Variants in ASB18 observed in about 807,000 individuals in gnomAD.
ASB18 encodes the protein ankyrin repeat and SOCS box containing 18.
ASB18 carries 33 observed loss-of-function variants against 33.4 expected under a neutral mutation model. The ratio of observed to expected loss-of-function variants is 0.99; its 90% confidence interval spans 0.75 to 1.32. ASB18 has a LOEUF of 1.32. ASB18 is among the 40% of genes most tolerant of loss of function. ASB18 has a pLI of 0.00. For missense variants in ASB18, 694 were observed against 655.5 expected, an observed-to-expected ratio of 1.06 and a Z score of -0.64; for synonymous variants, 295 against 307.6, an observed-to-expected ratio of 0.96 and a Z score of 0.43.
intron 4 of ASB18, among the ~76,000 whole-genome samples, chr2:236,206,052 C>T (rs949346038): frequency 6.6e-6 from 1 of 152,172 alleles, no homozygotes; most frequent in Non-Finnish European, 1.5e-5. Context: ...ACTTTCAGTG[C>T]AGCTAAGTTT....
rs759870823 is a variant in ASB18, at chr2:236,193,514, C to T, written c.*1358G>A. On this transcript the variant is annotated 3_prime_UTR_variant, in exon 6 of 6. Transcript: ENST00000409749. This position sits in a 1 kb window ranked among gnomAD's most constrained non-coding sequence, Gnocchi z 5.0. ...ACACCGATAAGAAACAAAACTGATTCGGCAGGGCATGGTGACTCATGCCTG... is the reference window on the plus strand; with the variant it reads ...ACACCGATAAGAAACAAAACTGATTTGGCAGGGCATGGTGACTCATGCCTG... 9.9e-5 allele frequency among the ~76,000 whole-genome samples: 15 copies of T among 152,242 alleles called. No individual in the cohort carries two copies. The highest frequency in any genetic ancestry group is 3.9e-4 in the East Asian group (2 of 5,166).
At position 236,252,622 on chromosome 2, in the gene ASB18, A is replaced by G. The variant is rs1200408468; in HGVS notation, c.206-11220T>C. Among the ~76,000 whole-genome samples, 2 of 152,180 alleles carry G rather than the reference A, an allele frequency of 1.3e-5. No homozygotes were observed. The highest frequency in any genetic ancestry group is 2.9e-5 in the Non-Finnish European group (2 of 68,030). On this transcript the variant is annotated intron_variant, in intron 1 of 5. Transcript: ENST00000409749. This position sits in a 1 kb window ranked among gnomAD's most constrained non-coding sequence, Gnocchi z 7.9. The stretch of plus-strand genomic sequence containing the variant: ...CTGGCCTGAGCAAGAGGCAGGTGTC[A>G]CTAGCCACCATGCTATGGCGCATGG...
chr2:236,196,444 G>A lies in ASB18; in HGVS notation c.1102-59C>T. 2 of 862,348 alleles carry A rather than the reference G, an allele frequency of 2.3e-6. No homozygotes were observed. Among genetic ancestry groups the A allele is most frequent in the Non-Finnish European group, 3.8e-6 (2 of 525,550 alleles). The allele number at this position is 862,348 out of a possible 1,614,324, so 53.4% of individuals were successfully genotyped here. On this transcript the variant is annotated intron_variant, in intron 4 of 5. Transcript: ENST00000409749. This position sits in a 1 kb window ranked among gnomAD's most constrained non-coding sequence, Gnocchi z 5.6. ...CGACTGGGTTCTGGGTCTCAGTGGGGAAAGGGTGGGGGGTGTGGGGGGATG... is the reference window on the plus strand; with the variant it reads ...CGACTGGGTTCTGGGTCTCAGTGGGAAAAGGGTGGGGGGTGTGGGGGGATG...
intron 4 of ASB18, among the ~76,000 whole-genome samples, chr2:236,207,691 C>T (rs900610119): frequency 4.7e-4 from 71 of 152,318 alleles, no homozygotes; most frequent in African/African-American, 1.5e-3. Context: ...ACTTGAGCTT[C>T]GGCCTGGAGG....
intron 2 of ASB18, among the ~76,000 whole-genome samples, chr2:236,240,230 G>T (rs1037162349): frequency 6.6e-6 from 1 of 152,200 alleles, no homozygotes; most frequent in Non-Finnish European, 1.5e-5. Context: ...GGTCGGCTGC[G>T]ACATGCAGCC....
At chr2:236,201,287 G>T (rs1044567636) in intron 4 of ASB18, among the ~76,000 whole-genome samples, 1 of 152,090 alleles carries the variant, frequency 6.6e-6, no homozygotes. Context: ...GAGTAGCTGG[G>T]ACTACAGGTG....
rs1240321202 is a variant in ASB18 at position 236,196,632 on chromosome 2, C to T, written c.1102-247G>A. Among the ~76,000 whole-genome samples the T allele has an allele frequency of 1.3e-5, 2 of 152,148 alleles. No homozygotes were observed. The highest frequency in any genetic ancestry group is 2.1e-4 in the South Asian group (1 of 4,828). ...CCTTCCCATCATGATGGCCGCCCAGCCAAAGTCTGGGCCAAGTGCTTAAGC... is the reference window on the plus strand; with the variant it reads ...CCTTCCCATCATGATGGCCGCCCAGTCAAAGTCTGGGCCAAGTGCTTAAGC... On this transcript the variant is annotated intron_variant, in intron 4 of 5. Transcript: ENST00000409749. This position sits in a 1 kb window ranked among gnomAD's most constrained non-coding sequence, Gnocchi z 5.6.
Position 236,217,068 on chromosome 2 carries a change from CAT to C in ASB18, c.597-2204_597-2203del, listed in dbSNP as rs1395687474. Among the ~76,000 whole-genome samples, 12 of 152,194 alleles carry C rather than the reference CAT, an allele frequency of 7.9e-5. No individual in the cohort carries two copies. The highest frequency in any genetic ancestry group is 1.0e-4 in the Non-Finnish European group (7 of 68,032). On this transcript the variant is annotated intron_variant, in intron 3 of 5. Transcript: ENST00000409749. The surrounding 1 kb of genome is among the most constrained non-coding windows in gnomAD (Gnocchi z 5.2). ...GAGGGGTCACACCTCTGTGTTGTCA[CAT>C]GTCTTGCACTATGTGCCCAGGCACA...
At chr2:236,258,020 A>G (rs992928334) in intron 1 of ASB18, among the ~76,000 whole-genome samples, 20 of 152,214 alleles carry the variant, frequency 1.3e-4, no homozygotes, top group Admixed American at 1.2e-3. Flanking sequence ...CAGTTTGAAC[A>G]TACCCTGATT....
rs576455039 is a variant in ASB18, at chr2:236,237,765, G to A, written c.520C>T (p.His174Tyr). The A allele has an allele frequency of 9.6e-5, 139 of 1,448,966 alleles. 1 individual carries two copies. In the East Asian group the frequency reaches 4.2e-3, roughly 44 times the overall value. 89.8% of individuals were successfully genotyped at this position (1,448,966 alleles called of 1,614,324 possible). A position where few individuals can be genotyped will look rare whatever the true frequency, so the allele number is the denominator to read the frequency against. Residue 174 changes from histidine (H) to tyrosine (Y), a missense_variant, in exon 3 of 6, where the codon CAC becomes TAC. Physicochemically the swap from His to Tyr is moderately conservative, Grantham distance 83. Coordinates refer to ENST00000409749, the MANE Select transcript of ASB18 (RefSeq NM_212556.4). The surrounding 1 kb of genome is among the most constrained non-coding windows in gnomAD (Gnocchi z 6.2). ...CTGAGCAGGTCGGGGTCGGCGCGGT[G>A]CTGCAGCAGCAGGCGGACGCAGGCG... ...HTACVRLLLQ[H>Y]RADPDLLSAE... is the part of the protein sequence containing the mutation.
chr2:236,218,281 C>A (rs1446523458), intron 3 of ASB18, among the ~76,000 whole-genome samples: 1 of 151,970 alleles, frequency 6.6e-6, no homozygotes, highest in African/African-American at 2.4e-5. Flanking sequence ...TTAGAGTGGG[C>A]AATGATTTAA....
Position 236,235,613 on chromosome 2 carries a change from T to C in ASB18, c.596+2076A>G, listed in dbSNP as rs1451922360. Among the ~76,000 whole-genome samples, 3 of 152,238 alleles carry C rather than the reference T, an allele frequency of 2.0e-5. No individual in the cohort carries two copies. Among genetic ancestry groups the C allele is most frequent in the Non-Finnish European group, 2.9e-5 (2 of 68,040 alleles). ...AATTAAGCCCTGACCATACCATGTA[T>C]TGGTGAGGCTGTAAAGCAACTGGAA... is the stretch of plus-strand genomic sequence containing the variant. On this transcript the variant is annotated intron_variant, in intron 3 of 5. Transcript: ENST00000409749. The surrounding 1 kb of genome is among the most constrained non-coding windows in gnomAD (Gnocchi z 6.2).
intron 1 of ASB18, among the ~76,000 whole-genome samples, chr2:236,246,346 CAA>C (rs60064230): frequency 2.3e-3 from 75 of 32,688 alleles, no homozygotes; most frequent in Non-Finnish European, 3.6e-3. Context: ...GACTCCATCT[CAA>C]AAAAAAAAAA....
Position 236,200,557 on chromosome 2 carries a change from A to G in ASB18, c.1102-4172T>C, listed in dbSNP as rs2060395946. Among the ~76,000 whole-genome samples the G allele has an allele frequency of 6.6e-6, 1 of 152,190 alleles. No individual in the cohort carries two copies. The highest frequency in any genetic ancestry group is 2.4e-5 in the African/African-American group (1 of 41,458). On this transcript the variant is annotated intron_variant, in intron 4 of 5. Transcript: ENST00000409749. This position sits in a 1 kb window ranked among gnomAD's most constrained non-coding sequence, Gnocchi z 4.2. ...CAGCAGTCCTCGCTTGGGGATACACAGCTAGCCTGAGGCAAAGAGCCAGCC... is the reference window on the plus strand; with the variant it reads ...CAGCAGTCCTCGCTTGGGGATACACGGCTAGCCTGAGGCAAAGAGCCAGCC...
At position 236,214,467 on chromosome 2, in the gene ASB18, G is replaced by T; in HGVS notation, c.996C>A (p.Arg332=). 3.3e-6 allele frequency: 5 copies of T among 1,515,552 alleles called. No individual in the cohort carries two copies. The highest frequency in any genetic ancestry group is 4.4e-6 in the Non-Finnish European group (5 of 1,138,150). 93.9% of individuals were successfully genotyped at this position (1,515,552 alleles called of 1,614,324 possible). A position where few individuals can be genotyped will look rare whatever the true frequency, so the allele number is the denominator to read the frequency against. ...LDYGGASPLG[R]VLQTASCALQ... Reference sequence around the variant, plus strand: ...GAGCGCAGGATGCGGTCTGGAGCACGCGGCCCAGCGGCGAGGCCCCGCCAT... The same window carrying T: ...GAGCGCAGGATGCGGTCTGGAGCACTCGGCCCAGCGGCGAGGCCCCGCCAT... Residue 332 remains arginine (R), a synonymous_variant, in exon 4 of 6, where the codon CGC becomes CGA. Transcript: ENST00000409749. The surrounding 1 kb of genome is among the most constrained non-coding windows in gnomAD (Gnocchi z 6.5).
At chr2:236,198,306 T>A (rs1036809868) in intron 4 of ASB18, among the ~76,000 whole-genome samples, 3 of 152,240 alleles carry the variant, frequency 2.0e-5, no homozygotes, top group Non-Finnish European at 4.4e-5. Context: ...GCTTTGCATA[T>A]GATTTTGAAA....
At chr2:236,242,963 A>T (rs1196567420) in intron 1 of ASB18, among the ~76,000 whole-genome samples, 1 of 148,038 alleles carries the variant, frequency 6.8e-6, no homozygotes, top group African/African-American at 2.5e-5. Flanking sequence ...CAAGACTATA[A>T]GGAGCCATGA....
intron 3 of ASB18, among the ~76,000 whole-genome samples, chr2:236,236,497 A>T (rs2060589614): frequency 1.3e-5 from 2 of 152,302 alleles, no homozygotes; most frequent in Non-Finnish European, 1.5e-5. Flanking sequence ...ATCAAATTGT[A>T]CGCCTTAAAC....
Position 236,203,419 on chromosome 2 carries a change from G to C in ASB18, c.1102-7034C>G. 6.6e-6 allele frequency among the ~76,000 whole-genome samples: 1 copy of C among 152,288 alleles called. No homozygotes were observed. Among genetic ancestry groups the C allele is most frequent in the African/African-American group, 2.4e-5 (1 of 41,570 alleles). On this transcript the variant is annotated intron_variant, in intron 4 of 5. Coordinates refer to ENST00000409749, the MANE Select transcript of ASB18 (RefSeq NM_212556.4). This position sits in a 1 kb window ranked among gnomAD's most constrained non-coding sequence, Gnocchi z 6.0. ...GAAGGAGCAAATAATGTTGGCTGGG[G>C]CATGAGTCTGACATGGGGAGTGCTC...
Sources: gnomAD v4.1 joint callset for allele counts (sites outside exome capture counted in the v4.1 genomes callset) on GRCh38, gnomAD v4.1.1 for gene constraint, Gnocchi (gnomAD v3.1) non-coding constraint, MANE v1.5 for transcripts, NCBI Gene and HGNC (gene_info 2026-07-23, HGNC 2026-07-21) for gene names.